The following PRIMA1 variants were observed in gnomAD, a reference collection of about 807,000 sequenced individuals.
PRIMA1 encodes proline-rich membrane anchor 1.
A neutral mutation model predicts 17.5 loss-of-function variants in PRIMA1; 7 were observed. The ratio of observed to expected loss-of-function variants is 0.40; its 90% CI spans 0.23 to 0.75. The LOEUF (loss-of-function observed/expected upper bound fraction) is 0.75, where lower values mean the gene tolerates loss of function less well. Among genes scored for constraint, PRIMA1 ranks in the 30% least tolerant of loss-of-function variants. PRIMA1 has a pLI of 0.37. For synonymous variants in PRIMA1, 97 were observed against 77.9 expected (o/e 1.25, Z -1.29); for missense variants, 200 against 201.8 (o/e 0.99, Z 0.05).
At chr14:93,787,549 G>A (rs1566980871) in intron 2 of PRIMA1, 77 bp downstream of exon 2, 2 of 1,532,168 alleles carry the variant, frequency 1.3e-6, no homozygotes, top group Non-Finnish European at 1.7e-6. Flanking sequence ...CAAGAGGCCA[G>A]GGTCTCAGGA....
At chr14:93,779,401 C>T in intron 2 of PRIMA1, 90 bp from the exon 3 acceptor site, 1 of 1,133,894 alleles carries the variant, frequency 8.8e-7, no homozygotes, top group Non-Finnish European at 1.2e-6. Context: ...CGTCCCCTGC[C>T]AGGCTGGGAC....
intron 3 of PRIMA1, among the ~76,000 whole-genome samples, chr14:93,749,148 C>G (rs961150525): frequency 1.3e-5 from 2 of 152,122 alleles, no homozygotes; most frequent in African/African-American, 4.8e-5. Context: ...GCCCTTGGTC[C>G]CCTCCCCAGA....
chr14:93,759,549 T>C (rs531712676), intron 3 of PRIMA1, among the ~76,000 whole-genome samples: 7 of 152,080 alleles, frequency 4.6e-5, no homozygotes, highest in African/African-American at 1.7e-4. Context: ...TGTGTGTGCA[T>C]GCACGTGGGA....
At chr14:93,741,858 C>G (rs1013851648) in intron 3 of PRIMA1, among the ~76,000 whole-genome samples, 1 of 152,082 alleles carries the variant, frequency 6.6e-6, no homozygotes, top group Non-Finnish European at 1.5e-5. Flanking sequence ...GCAAACACAA[C>G]AGAAAGGCAG....
chr14:93,743,850 T>C (rs2076199312), intron 3 of PRIMA1, among the ~76,000 whole-genome samples: 1 of 152,152 alleles, frequency 6.6e-6, no homozygotes, highest in Admixed American at 6.5e-5. Context: ...TTGAGGAAAC[T>C]GTCCAGAATG....
intron 3 of PRIMA1, among the ~76,000 whole-genome samples, chr14:93,741,332 T>C (rs1376481406): frequency 6.6e-6 from 1 of 152,266 alleles, no homozygotes; most frequent in African/African-American, 2.4e-5. Flanking sequence ...GTTGGGACCC[T>C]GATCTTTGGG....
intron 3 of PRIMA1, among the ~76,000 whole-genome samples, chr14:93,777,712 G>T (rs771398132): frequency 6.6e-6 from 1 of 152,164 alleles, no homozygotes; most frequent in Non-Finnish European, 1.5e-5. Context: ...GGTATTTCCA[G>T]TGTACCTGGC....
chr14:93,747,966 AGTGT>A (rs1052631814), intron 3 of PRIMA1, among the ~76,000 whole-genome samples: 1 of 135,392 alleles, frequency 7.4e-6, no homozygotes, highest in African/African-American at 2.9e-5. Context: ...TGTGTGTATA[AGTGT>A]GTGAGTATGA....
In PRIMA1 at chr14:93,761,607, A is replaced by G. The variant is rs571536084; in HGVS notation, c.229+17569T>C. ...AATTCCTTCTCCTCCTTCCAATATC[A>G]GCCAGCTCAAAGAGAGACCTTCCTG... On this transcript the variant is annotated intron_variant, in intron 3 of 4. Coordinates refer to ENST00000393140, the MANE Select transcript of PRIMA1 (RefSeq NM_178013.4). Among the ~76,000 whole-genome samples the G allele has an allele frequency of 1.4e-3, 217 of 152,158 alleles. 1 individual carries two copies. Among genetic ancestry groups the G allele is most frequent in the African/African-American group, 5.1e-3 (213 of 41,520 alleles).
chr14:93,745,163 C>T (rs573186639), intron 3 of PRIMA1, among the ~76,000 whole-genome samples: 9 of 152,248 alleles, frequency 5.9e-5, no homozygotes, highest in East Asian at 1.9e-4. Context: ...CTTCGGTGGC[C>T]GGCAGCACTG....
At chr14:93,739,937 G>T (rs1379112661) in intron 3 of PRIMA1, among the ~76,000 whole-genome samples, 1 of 152,006 alleles carries the variant, frequency 6.6e-6, no homozygotes, top group Non-Finnish European at 1.5e-5. Flanking sequence ...ATGGTGGCAG[G>T]CACCTGTAAT....
rs2076035865 is a variant in PRIMA1 at position 93,721,264 on chromosome 14, G to A, written c.*180C>T. The A allele has an allele frequency of 1.7e-6, 1 of 574,488 alleles. No individual in the cohort carries two copies. Among genetic ancestry groups the A allele is most frequent in the South Asian group, 2.1e-5 (1 of 47,168 alleles). 35.6% of individuals were successfully genotyped at this position (574,488 alleles called of 1,614,324 possible). A position where few individuals can be genotyped will look rare whatever the true frequency, so the allele number is the denominator to read the frequency against. On this transcript the variant is annotated 3_prime_UTR_variant, in exon 5 of 5. Transcript: ENST00000393140. ...TCAGCCTGGTGTCCGAGCTGCCTGG[G>A]CCCGCAGGCTGACCAGGGGCAAGCC...
chr14:93,748,171 G>A (rs1261796416), intron 3 of PRIMA1, among the ~76,000 whole-genome samples: 1 of 152,130 alleles, frequency 6.6e-6, no homozygotes, highest in East Asian at 1.9e-4. Context: ...TGTGGCCCAG[G>A]CGAGGGGGAA....
chr14:93,744,349 C>T (rs532725659), intron 3 of PRIMA1, among the ~76,000 whole-genome samples: 2 of 152,328 alleles, frequency 1.3e-5, no homozygotes, highest in East Asian at 3.9e-4. Context: ...CTCAGGGACA[C>T]AAGGGCCGCC....
intron 3 of PRIMA1, among the ~76,000 whole-genome samples, chr14:93,741,657 G>A (rs560302813): frequency 2.4e-4 from 37 of 152,290 alleles, no homozygotes; most frequent in African/African-American, 7.5e-4. Context: ...AGGAGTCTCC[G>A]GGGGAAGAGG....
chr14:93,743,029 C>T (rs1366434793), intron 3 of PRIMA1, among the ~76,000 whole-genome samples: 5 of 152,094 alleles, frequency 3.3e-5, no homozygotes, highest in African/African-American at 9.7e-5. Flanking sequence ...AAACAGATAG[C>T]GAGTAGGTTG....
rs144039971 is a variant in PRIMA1, at chr14:93,781,521, G to A, written c.94-2210C>T. Among the ~76,000 whole-genome samples, 47 of 152,374 alleles carry A rather than the reference G, an allele frequency of 3.1e-4. No individual in the cohort carries two copies. In the East Asian group the frequency reaches 6.4e-3, roughly 21 times the overall value. ...TCTCCAAGGTGCAATCTATGAGAGA[G>A]AGTTCAAGAGAAGCACGTTTGTTTA... On this transcript the variant is annotated intron_variant, in intron 2 of 4. Transcript: ENST00000393140.
At chr14:93,756,112 G>C (rs1239028234) in intron 3 of PRIMA1, among the ~76,000 whole-genome samples, 1 of 152,096 alleles carries the variant, frequency 6.6e-6, no homozygotes, top group African/African-American at 2.4e-5. Context: ...TTGCTATGTT[G>C]TCCAGGCTGG....
intron 3 of PRIMA1, among the ~76,000 whole-genome samples, chr14:93,772,226 G>A (rs1885091075): frequency 6.6e-6 from 1 of 152,222 alleles, no homozygotes; most frequent in African/African-American, 2.4e-5. Context: ...GAAGAACCAG[G>A]TGACCCTATT....
Sources: gnomAD v4.1 joint callset for allele counts (sites outside exome capture counted in the v4.1 genomes callset) on GRCh38, gnomAD v4.1.1 for gene constraint, MANE v1.5 for transcripts, NCBI Gene and HGNC (gene_info 2026-07-23, HGNC 2026-07-21) for gene names.